The following CTDP1 variants were observed in gnomAD, a reference collection of about 807,000 sequenced individuals.
The protein encoded by CTDP1 is CTD phosphatase 1, also known as RNA polymerase II subunit A C-terminal domain phosphatase.
In CTDP1, 47 loss-of-function variants were observed where a neutral mutation model predicts 91.8. The observed-to-expected ratio is 0.51, with a 90% confidence interval of 0.41 to 0.65. The LOEUF (loss-of-function observed/expected upper bound fraction) is 0.65. Ranked by LOEUF, CTDP1 falls within the 30% of genes least tolerant of loss-of-function variation. The pLI is 0.00. For missense variants in CTDP1, 1,272 were observed against 1,373.7 expected (o/e 0.93, Z 1.17); for synonymous variants, 656 against 598.5 (o/e 1.10, Z -1.40).
At chr18:79,695,167 G>A (rs2085721159) in intron 1 of CTDP1, 58 bp from the exon 2 acceptor site, 6 of 1,486,604 alleles carry the variant, frequency 4.0e-6, no homozygotes, top group East Asian at 2.3e-5. Context: ...CTTACTTGGG[G>A]GCTCTTTTGA....
rs138816153 is a variant in CTDP1 at position 79,750,819 on chromosome 18, C to T, written c.2748-2833C>T. Reference sequence around the variant, plus strand: ...GTGAGCCGCCACGCCCTGCCTACTCCGCTTTTAAATGATGGGATGCATTGC... The same window carrying T: ...GTGAGCCGCCACGCCCTGCCTACTCTGCTTTTAAATGATGGGATGCATTGC... On this transcript the variant is annotated intron_variant, in intron 12 of 12. Coordinates refer to ENST00000613122, the MANE Select transcript of CTDP1 (RefSeq NM_004715.5). Among the ~76,000 whole-genome samples the T allele has an allele frequency of 4.2e-3, 643 of 151,942 alleles. 6 individuals carry two copies. Among genetic ancestry groups the T allele is most frequent in the African/African-American group, 0.014 (573 of 41,432 alleles).
intron 12 of CTDP1, among the ~76,000 whole-genome samples, chr18:79,737,951 C>CT (rs2086698686): frequency 2.0e-5 from 3 of 152,252 alleles, no homozygotes; most frequent in East Asian, 3.9e-4. Flanking sequence ...AGCTTTCTTC[C>CT]TTTTTGCCTG....
intron 12 of CTDP1, among the ~76,000 whole-genome samples, chr18:79,743,098 C>G (rs1421378935): frequency 6.6e-6 from 1 of 152,206 alleles, no homozygotes; most frequent in Admixed American, 6.5e-5. Context: ...ACAGCAAGAG[C>G]TGAAGAGACC....
intron 12 of CTDP1, among the ~76,000 whole-genome samples, chr18:79,739,745 G>T (rs1020000241): frequency 3.9e-5 from 6 of 152,212 alleles, no homozygotes; most frequent in African/African-American, 1.2e-4. Flanking sequence ...GTCTGTTCAG[G>T]TTCTGCTGCG....
chr18:79,684,902 C>G (rs61619543), intron 1 of CTDP1, among the ~76,000 whole-genome samples: 1 of 151,824 alleles, frequency 6.6e-6, no homozygotes, highest in African/African-American at 2.4e-5. Flanking sequence ...CTGCCCCTTA[C>G]AGGGTGTGAG....
chr18:79,720,784 C>T (rs1255444963), intron 10 of CTDP1, among the ~76,000 whole-genome samples: 1 of 152,170 alleles, frequency 6.6e-6, no homozygotes. Context: ...TGACGACCCA[C>T]GGTTGTCATC....
rs145726709 is a variant in CTDP1, at chr18:79,717,536, C to T, written c.2070C>T (p.Gly690=). Residue 690 remains glycine, a splice_region_variant and synonymous_variant, in exon 9 of 13, where the codon GGC becomes GGT. Coordinates refer to ENST00000613122, the MANE Select transcript of CTDP1 (RefSeq NM_004715.5). ...RATHLIAARA[G]TEKVLQAQEC... ...CTGACGCAGCCGGGTCTCCTGCAGG[C>T]ACAGAGAAGGTGCTGCAGGCACAGG... 1.9e-3 allele frequency: 3,075 copies of T among 1,612,934 alleles called. 99 individuals carry two copies. In the Admixed American group the frequency reaches 0.049, roughly 26 times the overall value.
chr18:79,743,323 C>G (rs551933562), intron 12 of CTDP1, among the ~76,000 whole-genome samples: 2 of 152,032 alleles, frequency 1.3e-5, no homozygotes, highest in East Asian at 2.0e-4. Context: ...TTCAGGAGTT[C>G]GAGAACAGCC....
downstream of CTDP1, chr18:79,755,860 G>C (rs562514080): frequency 2.0e-5 from 3 of 152,686 alleles, no homozygotes; most frequent in East Asian, 5.8e-4. Context: ...GGAGGGTGGC[G>C]TGGTAGCTGG....
rs1166416354 is a variant in CTDP1, at chr18:79,714,532, C to T, written c.1072C>T (p.Pro358Ser). 1 of 1,613,160 alleles carries T rather than the reference C, an allele frequency of 6.2e-7. No homozygotes were observed. Among genetic ancestry groups the T allele is most frequent in the Non-Finnish European group, 8.5e-7 (1 of 1,180,030 alleles). Residue 358 changes from proline (P) to serine (S), a missense_variant, in exon 8 of 13, where the codon CCC becomes TCC. Pro to Ser is a moderately conservative substitution (Grantham distance 74). Transcript: ENST00000613122. ...RGTEVSEPSP[P>S]VRDPEGVTQA... ...CACTGAGGTCTCAGAGCCATCTCCG[C>T]CCGTGAGAGACCCTGAGGGGGTAAC...
intron 4 of CTDP1, 21 bp downstream of exon 4, chr18:79,698,009 C>T (rs913962501): frequency 7.4e-6 from 12 of 1,613,940 alleles, no homozygotes; most frequent in East Asian, 6.7e-5. Context: ...TCAGCATCTA[C>T]GGACAGTTTC....
At chr18:79,736,177 CG>C in intron 11 of CTDP1, 177 bp from the exon 12 acceptor site, 1 of 758,504 alleles carries the variant, frequency 1.3e-6, no homozygotes, top group Non-Finnish European at 2.2e-6. Flanking sequence ...GTCTTTTGCC[CG>C]GGGCTTTGTT....
intron 10 of CTDP1, among the ~76,000 whole-genome samples, chr18:79,726,837 GGGGTGA>G (rs2086454903): frequency 7.1e-6 from 1 of 140,132 alleles, no homozygotes; most frequent in East Asian, 2.1e-4. Flanking sequence ...GTGGGGGATG[GGGGTGA>G]CGCCATTGCT....
chr18:79,695,834 G>A (rs545545416), intron 2 of CTDP1, 143 bp from the exon 3 acceptor site: 39 of 739,140 alleles, frequency 5.3e-5, no homozygotes, highest in African/African-American at 4.8e-4. Context: ...ATGTTTCCAC[G>A]TTTGCCGACA....
chr18:79,710,611 C>G (rs1020406468), intron 6 of CTDP1, among the ~76,000 whole-genome samples, 175 bp downstream of exon 6: 4 of 151,654 alleles, frequency 2.6e-5, no homozygotes, highest in Non-Finnish European at 5.9e-5. Context: ...AGCTCTGCTT[C>G]CAGAGTTCAC....
At chr18:79,680,879 A>G (rs2085349862) in intron 1 of CTDP1, 1 of 152,232 alleles carries the variant, frequency 6.6e-6, no homozygotes, top group East Asian at 1.9e-4. Flanking sequence ...CCAGAAGGGG[A>G]TATGTTTCCG....
chr18:79,712,884 T>G, intron 6 of CTDP1, 88 bp from the exon 7 acceptor site: 1 of 1,414,396 alleles, frequency 7.1e-7, no homozygotes, highest in Non-Finnish European at 9.9e-7. Context: ...TACATGTGGA[T>G]TAGAATCTTA....
chr18:79,697,206 G>A (rs776358783), intron 3 of CTDP1, among the ~76,000 whole-genome samples: 2 of 152,216 alleles, frequency 1.3e-5, no homozygotes, highest in Non-Finnish European at 1.5e-5. Flanking sequence ...GGATGGGCAC[G>A]GGAGGAGGTC....
intron 1 of CTDP1, among the ~76,000 whole-genome samples, chr18:79,689,164 C>T (rs758352195): frequency 6.6e-5 from 10 of 152,176 alleles, no homozygotes; most frequent in Non-Finnish European, 1.0e-4. Context: ...TCAGCTCCTT[C>T]GTCTTTCTTT....
Sources: allele counts gnomAD v4.1 joint callset (sites outside exome capture counted in the v4.1 genomes callset), GRCh38; gene constraint gnomAD v4.1.1; transcripts MANE v1.5; gene names NCBI Gene and HGNC (gene_info 2026-07-23, HGNC 2026-07-21).